Variants in RAB3D observed in about 807,000 individuals in gnomAD.
RAB3D encodes RAB3D, member RAS oncogene family.
In RAB3D, 17 loss-of-function variants were observed where a neutral mutation model predicts 19.3. That is an observed-to-expected ratio of 0.88 (90% CI 0.60 to 1.32). The LOEUF (loss-of-function observed/expected upper bound fraction) is 1.32, where lower values mean the gene tolerates loss of function less well. Ranked by LOEUF, RAB3D falls within the 40% of genes most tolerant of loss-of-function variation. The pLI is 0.00. For synonymous variants in RAB3D, 103 were observed against 119.9 expected (o/e 0.86, Z 0.92); for missense variants, 223 against 299.1 (o/e 0.75, Z 1.88).
rs939151619 is a variant in RAB3D, at chr19:11,322,226, T to A, written c.*3172A>T. Reference sequence around the variant, plus strand: ...TTCAGAATCATCAGGGAGGAGCCGGTAGCAGAATTATCCCGTTAACACTGA... The same window carrying A: ...TTCAGAATCATCAGGGAGGAGCCGGAAGCAGAATTATCCCGTTAACACTGA... On this transcript the variant is annotated 3_prime_UTR_variant, in exon 5 of 5. Coordinates refer to ENST00000222120, the MANE Select transcript of RAB3D (RefSeq NM_004283.4). The A allele has an allele frequency of 6.6e-6, 1 of 152,126 alleles. No individual in the cohort carries two copies. Among genetic ancestry groups the A allele is most frequent in the African/African-American group, 2.4e-5 (1 of 41,424 alleles). 9.4% of individuals were successfully genotyped at this position (152,126 alleles called of 1,614,324 possible). A position where few individuals can be genotyped will look rare whatever the true frequency, so the allele number is the denominator to read the frequency against.
intron 4 of RAB3D, among the ~76,000 whole-genome samples, chr19:11,328,216 C>T (rs2080822407): frequency 6.6e-6 from 1 of 151,136 alleles, no homozygotes; most frequent in Non-Finnish European, 1.5e-5. Context: ...CACCTGTGAT[C>T]CCAGCTACTT....
At chr19:11,328,316 A>G (rs1021229680) in intron 4 of RAB3D, among the ~76,000 whole-genome samples, 1 of 139,358 alleles carries the variant, frequency 7.2e-6, no homozygotes, top group African/African-American at 2.8e-5. Context: ...GCTGGGTGAC[A>G]GAACAAGATA....
At chr19:11,335,254 G>T (rs1371501046) in intron 4 of RAB3D, among the ~76,000 whole-genome samples, 193 bp downstream of exon 4, 2 of 152,238 alleles carry the variant, frequency 1.3e-5, no homozygotes, top group Admixed American at 1.3e-4. Context: ...GTTCCCAGGG[G>T]ATAGGCAGTG....
rs756642675 is a variant in RAB3D, at chr19:11,337,239, G to C, written c.161C>G (p.Thr54Ser). ...CTTGACCTTGAAATCGATGCCCACA[G>C]TACTGACGAAGGCGGGAGTGAAGGA... ...DDSFTPAFVS[T>S]VGIDFKVKTV... is the part of the protein sequence containing the mutation. The change falls in exon 2 of 5, where the codon ACT (threonine) becomes AGT (serine). Residue 54 changes from threonine (T) to serine (S), a missense_variant. Transcript: ENST00000222120. The C allele has an allele frequency of 5.0e-6, 8 of 1,614,012 alleles. No homozygotes were observed. The highest frequency in any genetic ancestry group is 6.8e-6 in the Non-Finnish European group (8 of 1,180,040).
chr19:11,327,007 A>C (rs973707719), intron 4 of RAB3D: 4 of 478,732 alleles, frequency 8.4e-6, no homozygotes, highest in African/African-American at 6.1e-5. Flanking sequence ...GTAAGCCAGG[A>C]ATTCAGACAA....
rs182872070 is a variant in RAB3D, at chr19:11,325,551, G to A, written c.507C>T (p.Asn169=). 24 of 1,613,314 alleles carry A rather than the reference G, an allele frequency of 1.5e-5. No homozygotes were observed. The highest frequency in any genetic ancestry group is 2.0e-5 in the Non-Finnish European group (24 of 1,179,960). The part of the protein sequence containing the change: ...FEFFEASAKE[N]INVKQVFERL... ...GCTCGAAGACCTGCTTCACATTGAT[G>A]TTCTCCTTGGCACTGGCTTCAAAGA... The change falls in exon 5 of 5, where the codon AAC becomes AAT. Residue 169 remains asparagine (N), a synonymous_variant. Transcript: ENST00000222120.
At chr19:11,336,533 C>T (rs561955366) in intron 2 of RAB3D, among the ~76,000 whole-genome samples, 26 of 152,048 alleles carry the variant, frequency 1.7e-4, no homozygotes, top group Middle Eastern at 6.8e-3. Flanking sequence ...TGGTCTGGAA[C>T]CGCTGGGCTC....
intron 4 of RAB3D, among the ~76,000 whole-genome samples, chr19:11,333,014 C>T (rs772531476): frequency 6.6e-5 from 10 of 151,394 alleles, no homozygotes; most frequent in South Asian, 2.1e-4. Flanking sequence ...TAAGGAAACA[C>T]GAAATGGAAT....
intron 4 of RAB3D, among the ~76,000 whole-genome samples, chr19:11,328,099 CAAG>C (rs1228636269): frequency 6.6e-6 from 1 of 150,524 alleles, no homozygotes; most frequent in Non-Finnish European, 1.5e-5. Context: ...TTTGGGAGGC[CAAG>C]GTGAGCGGAT....
intron 1 of RAB3D, among the ~76,000 whole-genome samples, chr19:11,337,671 CTTT>C (rs562747979): frequency 3.6e-5 from 5 of 138,782 alleles, no homozygotes; most frequent in African/African-American, 2.6e-5. Context: ...TTCTTTCTTT[CTTT>C]TTTTTTTTTT....
chr19:11,335,612 A>AG, intron 3 of RAB3D, 41 bp from the exon 4 acceptor site: 1 of 1,613,652 alleles, frequency 6.2e-7, no homozygotes, highest in African/African-American at 1.3e-5. Context: ...CGGGGGGGTT[A>AG]GGGGTCAGAG....
intron 4 of RAB3D, among the ~76,000 whole-genome samples, chr19:11,332,678 G>T (rs754924424): frequency 6.6e-6 from 1 of 152,012 alleles, no homozygotes; most frequent in Non-Finnish European, 1.5e-5. Context: ...ACAGGGTCTC[G>T]CTATATTGCC....
At chr19:11,339,416 C>T (rs1459582853) in intron 1 of RAB3D, 53 bp downstream of exon 1, 1 of 152,496 alleles carries the variant, frequency 6.6e-6, no homozygotes, top group Non-Finnish European at 1.5e-5. Flanking sequence ...CGCAGCCCCG[C>T]CTTTGTTCCC....
chr19:11,332,266 A>G (rs1193481022), intron 4 of RAB3D, among the ~76,000 whole-genome samples: 1 of 151,722 alleles, frequency 6.6e-6, no homozygotes, highest in African/African-American at 2.4e-5. Flanking sequence ...TCCTGACCTC[A>G]GGTGATCCGC....
In RAB3D at chr19:11,325,191, C is replaced by T. The variant is rs2080804382; in HGVS notation, c.*207G>A. 2 of 534,954 alleles carry T rather than the reference C, an allele frequency of 3.7e-6. No individual in the cohort carries two copies. Among genetic ancestry groups the T allele is most frequent in the Non-Finnish European group, 6.8e-6 (2 of 295,730 alleles). The allele number at this position is 534,954 out of a possible 1,614,324, so 33.1% of individuals were successfully genotyped here. ...CTGCCTGCCATGCAGAGCTGAGTCC[C>T]CATGGTCCGCAGCCTCCCACCGGGG... On this transcript the variant is annotated 3_prime_UTR_variant, in exon 5 of 5. Coordinates refer to ENST00000222120, the MANE Select transcript of RAB3D (RefSeq NM_004283.4).
intron 4 of RAB3D, among the ~76,000 whole-genome samples, chr19:11,334,739 A>G (rs945213152): frequency 9.9e-5 from 15 of 152,226 alleles, no homozygotes; most frequent in Admixed American, 3.3e-4. Flanking sequence ...CCTGGCTAAC[A>G]TGGTGAAACC....
At chr19:11,327,928 T>A (rs960612529) in intron 4 of RAB3D, among the ~76,000 whole-genome samples, 6 of 152,106 alleles carry the variant, frequency 3.9e-5, no homozygotes, top group African/African-American at 1.4e-4. Context: ...CAGAAAAGTA[T>A]TAAGACAGCC....
At chr19:11,338,306 G>A (rs935660328) in intron 1 of RAB3D, among the ~76,000 whole-genome samples, 1 of 152,252 alleles carries the variant, frequency 6.6e-6, no homozygotes, top group African/African-American at 2.4e-5. Context: ...TCTGGCCCCT[G>A]CAGAACTAGA....
rs1966930119 is a variant in RAB3D, at chr19:11,339,495, G to A, written c.-88C>T. On this transcript the variant is annotated 5_prime_UTR_variant, in exon 1 of 5. Coordinates refer to ENST00000222120, the MANE Select transcript of RAB3D (RefSeq NM_004283.4). ...TGCTCGGATGCGGAGGGGCCGGGTG[G>A]GCTGCGCTCCTTCCCAGGGGTGACC... 6.6e-6 allele frequency: 1 copy of A among 152,366 alleles called. No homozygotes were observed. The highest frequency in any genetic ancestry group is 2.4e-5 in the African/African-American group (1 of 41,454). 9.4% of individuals were successfully genotyped at this position (152,366 alleles called of 1,614,324 possible).
Sources: allele counts gnomAD v4.1 joint callset (sites outside exome capture counted in the v4.1 genomes callset), GRCh38; gene constraint gnomAD v4.1.1; transcripts MANE v1.5; gene names NCBI Gene and HGNC (gene_info 2026-07-23, HGNC 2026-07-21).